Variants in THSD7A observed in about 807,000 individuals in gnomAD.
The protein encoded by THSD7A is thrombospondin type 1 domain containing 7A, also known as thrombospondin type-1 domain-containing protein 7A.
A neutral mutation model predicts 231.3 loss-of-function variants in THSD7A; 96 were observed. The observed-to-expected ratio is 0.41, with a 90% CI of 0.35 to 0.49. The LOEUF is 0.49. Among genes scored for constraint, THSD7A ranks in the 20% least tolerant of loss-of-function variants. The pLI is 0.05. For synonymous variants in THSD7A, 940 were observed against 743.3 expected, an observed-to-expected ratio of 1.26 and a Z score of -4.30; for missense variants, 2,290 against 2,070.2, an observed-to-expected ratio of 1.11 and a Z score of -2.06.
At chr7:11,568,240 T>C (rs10229217) in intron 4 of THSD7A, among the ~76,000 whole-genome samples, 2,208 of 152,280 alleles carry the variant, frequency 0.014, 47 homozygotes, top group African/African-American at 0.049. Context: ...ACAGAAACAA[T>C]GAGAGAACCC....
intron 6 of THSD7A, among the ~76,000 whole-genome samples, chr7:11,497,140 A>G (rs62438214): frequency 0.089 from 13,488 of 152,246 alleles, 679 homozygotes; most frequent in Non-Finnish European, 0.11. Context: ...CAGGAAGCAG[A>G]AGAATGAGAG....
At chr7:11,595,782 A>T (rs1469779102) in intron 2 of THSD7A, among the ~76,000 whole-genome samples, 1 of 152,228 alleles carries the variant, frequency 6.6e-6, no homozygotes, top group Admixed American at 6.5e-5. Flanking sequence ...TACAAAACTT[A>T]AATACAATGA....
chr7:11,379,830 T>C, intron 24 of THSD7A, 118 bp from the exon 25 acceptor site: 1 of 1,083,552 alleles, frequency 9.2e-7, no homozygotes, highest in African/African-American at 1.6e-5. Flanking sequence ...GGAATTTTTC[T>C]GTCAGTGGTT....
chr7:11,564,378 G>C (rs1194974658), intron 4 of THSD7A, among the ~76,000 whole-genome samples: 2 of 152,208 alleles, frequency 1.3e-5, no homozygotes, highest in African/African-American at 4.8e-5. Flanking sequence ...CCACCTTGCA[G>C]CTGGTCTGCT....
intron 1 of THSD7A, among the ~76,000 whole-genome samples, chr7:11,802,806 C>A (rs1261388640): frequency 2.0e-5 from 3 of 152,090 alleles, no homozygotes; most frequent in African/African-American, 7.2e-5. Flanking sequence ...ATCCTTCAAT[C>A]CATCCATGCA....
intron 1 of THSD7A, among the ~76,000 whole-genome samples, chr7:11,653,363 C>T (rs1782580197): frequency 6.6e-6 from 1 of 151,190 alleles, no homozygotes; most frequent in South Asian, 2.1e-4. Context: ...GTCCCCAAGC[C>T]AATTTGCTCA....
chr7:11,716,938 C>T lies in THSD7A; in HGVS notation c.191-79977G>A, dbSNP rs1402022251. ...AAAATACCCTGAGTGGTAACGAATA[C>T]CCTTTATGAAATAGAACCACCTTTC... On this transcript the variant is annotated intron_variant, in intron 1 of 27. Transcript: ENST00000423059. 2.0e-5 allele frequency among the ~76,000 whole-genome samples: 3 copies of T among 151,480 alleles called. No homozygotes were observed. The East Asian group carries it at 5.9e-4, about 30-fold the overall frequency.
At chr7:11,455,952 T>G (rs913857371) in intron 11 of THSD7A, among the ~76,000 whole-genome samples, 4 of 152,022 alleles carry the variant, frequency 2.6e-5, no homozygotes, top group African/African-American at 9.7e-5. Flanking sequence ...AATGAAAGTA[T>G]GTCTATAAAG....
At chr7:11,473,448 G>T (rs1786017137) in intron 8 of THSD7A, among the ~76,000 whole-genome samples, 1 of 152,052 alleles carries the variant, frequency 6.6e-6, no homozygotes, top group African/African-American at 2.4e-5. Context: ...TAACCACTTG[G>T]CTGAGTATTT....
Position 11,590,730 on chromosome 7 carries a change from A to C in THSD7A, c.1272-89T>G. 7.1e-7 allele frequency: 1 copy of C among 1,402,970 alleles called. No homozygotes were observed. Among genetic ancestry groups the C allele is most frequent in the Non-Finnish European group, 9.5e-7 (1 of 1,051,030 alleles). The allele number at this position is 1,402,970 out of a possible 1,614,324, so 86.9% of individuals were successfully genotyped here. ...GTCATACTTTGTTTTAACGAAAATT[A>C]GTCTCAAAATCATTTTCCTAGAGAA... On this transcript the variant is annotated intron_variant, in intron 3 of 27. Transcript: ENST00000423059. The surrounding 1 kb of genome is among the most constrained non-coding windows in gnomAD (Gnocchi z 4.4).
intron 23 of THSD7A, among the ~76,000 whole-genome samples, chr7:11,399,556 A>G (rs1333181933): frequency 1.3e-5 from 2 of 152,218 alleles, no homozygotes; most frequent in Non-Finnish European, 2.9e-5. Flanking sequence ...AGACGCATGA[A>G]AAAATGCTCA....
At chr7:11,787,906 A>G (rs1348413486) in intron 1 of THSD7A, among the ~76,000 whole-genome samples, 1 of 152,094 alleles carries the variant, frequency 6.6e-6, no homozygotes, top group Non-Finnish European at 1.5e-5. Context: ...ACTGCCCTAG[A>G]AATGGCTCAC....
chr7:11,488,902 G>A (rs1404269300), intron 6 of THSD7A, among the ~76,000 whole-genome samples: 1 of 151,988 alleles, frequency 6.6e-6, no homozygotes, highest in African/African-American at 2.4e-5. Flanking sequence ...CTTCATGCCT[G>A]GTGTCCCCAT....
intron 1 of THSD7A, among the ~76,000 whole-genome samples, chr7:11,829,089 A>G (rs1018580386): frequency 2.6e-5 from 4 of 152,038 alleles, no homozygotes; most frequent in Non-Finnish European, 4.4e-5. Context: ...AGTATATAAT[A>G]CATATATAAA....
chr7:11,726,546 AT>A (rs68046071), intron 1 of THSD7A, among the ~76,000 whole-genome samples: 37,901 of 151,734 alleles, frequency 0.25, 4,754 homozygotes, highest in East Asian at 0.3. Flanking sequence ...CCCAGAATTG[AT>A]TTTTTTTGCA....
At chr7:11,577,767 T>C (rs56400537) in intron 4 of THSD7A, among the ~76,000 whole-genome samples, 76,854 of 151,572 alleles carry the variant, frequency 0.51, 20,264 homozygotes, top group Admixed American at 0.63. Context: ...CAGCGTGGCA[T>C]TCCAAGTTTG....
intron 1 of THSD7A, among the ~76,000 whole-genome samples, chr7:11,783,682 C>G (rs964315412): frequency 1.3e-5 from 2 of 152,056 alleles, no homozygotes; most frequent in Non-Finnish European, 2.9e-5. Flanking sequence ...TGGCAATCAA[C>G]TAGTTAGTGA....
chr7:11,795,780 G>C (rs1316503177), intron 1 of THSD7A, among the ~76,000 whole-genome samples: 2 of 151,556 alleles, frequency 1.3e-5, no homozygotes, highest in African/African-American at 2.4e-5. Context: ...TGGAGGAAGA[G>C]GCCCTGGGAA....
chr7:11,565,389 G>A (rs1160092321), intron 4 of THSD7A, among the ~76,000 whole-genome samples: 2 of 152,164 alleles, frequency 1.3e-5, no homozygotes, highest in African/African-American at 2.4e-5. Context: ...ACAGACTGTC[G>A]CTTAAACACA....
Sources: gnomAD v4.1 joint callset for allele counts (sites outside exome capture counted in the v4.1 genomes callset) on GRCh38, gnomAD v4.1.1 for gene constraint, Gnocchi (gnomAD v3.1) non-coding constraint, MANE v1.5 for transcripts, NCBI Gene and HGNC (gene_info 2026-07-23, HGNC 2026-07-21) for gene names.